The following PRND variants were observed in gnomAD, a reference collection of about 807,000 sequenced individuals.
PRND encodes prion-like protein doppel.
For missense variants in PRND, 227 were observed against 223.3 expected (o/e 1.02, Z -0.11); for synonymous variants, 94 against 93.2 (o/e 1.01, Z -0.05).
chr20:4,722,175 G>T (rs570469683), intron 1 of PRND, among the ~76,000 whole-genome samples: 2 of 152,074 alleles, frequency 1.3e-5, no homozygotes, highest in Non-Finnish European at 2.9e-5. Context: ...TAGGGTTTGT[G>T]GGTTGGGATT....
In PRND at chr20:4,725,708, A is replaced by C. The variant is rs1400279951; in HGVS notation, c.*626A>C. 1 of 167,478 alleles carries C rather than the reference A, an allele frequency of 6.0e-6. No homozygotes were observed. The highest frequency in any genetic ancestry group is 1.5e-5 in the Non-Finnish European group (1 of 68,458). 10.4% of individuals were successfully genotyped at this position (167,478 alleles called of 1,614,324 possible). A position where few individuals can be genotyped will look rare whatever the true frequency, so the allele number is the denominator to read the frequency against. ...GGAGGCTATTTTAATCCTTCTAACT[A>C]AACTAAAATAGATTAAAGGAATTAA... is the stretch of plus-strand genomic sequence containing the variant. On this transcript the variant is annotated 3_prime_UTR_variant, in exon 2 of 2. Coordinates refer to ENST00000305817, the MANE Select transcript of PRND (RefSeq NM_012409.4).
chr20:4,725,247 GTT>G lies in PRND; in HGVS notation c.*166_*167del. 1 of 830,840 alleles carries G rather than the reference GTT, an allele frequency of 1.2e-6. No homozygotes were observed. The highest frequency in any genetic ancestry group is 2.7e-5 in the East Asian group (1 of 37,270). 51.5% of individuals were successfully genotyped at this position (830,840 alleles called of 1,614,324 possible). ...CGTATGCGCCCTGGTATGTGCCTGC[GTT>G]CTGATAGATGGGGGACTGTGGCTTC... On this transcript the variant is annotated 3_prime_UTR_variant, in exon 2 of 2. Transcript: ENST00000305817.
chr20:4,725,316 A>G lies in PRND; in HGVS notation c.*234A>G, dbSNP rs942117355. 3 of 564,198 alleles carry G rather than the reference A, an allele frequency of 5.3e-6. No individual in the cohort carries two copies. Among genetic ancestry groups the G allele is most frequent in the East Asian group, 3.0e-5 (1 of 33,474 alleles). The allele number at this position is 564,198 out of a possible 1,614,324, so 34.9% of individuals were successfully genotyped here. ...CAGCCCCTAGCAGAGCGTCTGGCAC[A>G]CTAGATTAGTAGTAAATGCTTGATG... On this transcript the variant is annotated 3_prime_UTR_variant, in exon 2 of 2. Coordinates refer to ENST00000305817, the MANE Select transcript of PRND (RefSeq NM_012409.4).
rs1380087203 is a variant in PRND, at chr20:4,725,737, A to G, written c.*655A>G. The G allele has an allele frequency of 6.0e-6, 1 of 167,388 alleles. No homozygotes were observed. The highest frequency in any genetic ancestry group is 1.9e-4 in the East Asian group (1 of 5,200). 10.4% of individuals were successfully genotyped at this position (167,388 alleles called of 1,614,324 possible). ...TAAAATAGATTAAAGGAATTAAACT[A>G]AAATACAAGTAAAGCTAGACAAAGG... On this transcript the variant is annotated 3_prime_UTR_variant, in exon 2 of 2. Transcript: ENST00000305817.
At position 4,724,921 on chromosome 20, in the gene PRND, G is replaced by A; in HGVS notation, c.370G>A (p.Asp124Asn). 6.2e-7 allele frequency: 1 copy of A among 1,614,206 alleles called. No homozygotes were observed. The highest frequency in any genetic ancestry group is 2.2e-5 in the East Asian group (1 of 44,878). The change falls in exon 2 of 2, where the codon GAC becomes AAC. Residue 124 changes from aspartate (D) to asparagine (N), a missense_variant. Physicochemically the swap from Asp to Asn is conservative, Grantham distance 23. Coordinates refer to ENST00000305817, the MANE Select transcript of PRND (RefSeq NM_012409.4). The surrounding 1 kb of genome is among the most constrained non-coding windows in gnomAD (Gnocchi z 4.8). Reference sequence around the variant, plus strand: ...GAACCAGGGGGAGTTCCAGAAGCCAGACAACAAGCTCCACCAGCAGGTGCT... The same window carrying A: ...GAACCAGGGGGAGTTCCAGAAGCCAAACAACAAGCTCCACCAGCAGGTGCT... ...AANQGEFQKPDNKLHQQVLWR... is the reference protein window; with the variant it reads ...AANQGEFQKPNNKLHQQVLWR...
At position 4,724,525 on chromosome 20, in the gene PRND, G is replaced by A. The variant is rs187662451; in HGVS notation, c.-11-16G>A. 1.3e-3 allele frequency: 2,154 copies of A among 1,613,604 alleles called. 27 individuals are homozygous for A. The African/African-American group carries it at 0.025, about 19-fold the overall frequency. On this transcript the variant is annotated splice_polypyrimidine_tract_variant and intron_variant, in intron 1 of 1. Transcript: ENST00000305817. This position sits in a 1 kb window ranked among gnomAD's most constrained non-coding sequence, Gnocchi z 4.8. ...AGGCCTGGTGGGGAGCTGACCCACC[G>A]CCGTTTCTCTGGCAGGTTCTGACGC...
Position 4,725,034 on chromosome 20 carries a change from G to T in PRND, c.483G>T (p.Gln161His), listed in dbSNP as rs1344454738. ...RGAGLRVTMH[Q>H]PVLLCLLALI... ...CAGGACTTCGGGTCACCATGCACCAGCCAGTGCTCCTCTGCCTTCTGGCTT... is the reference window on the plus strand; with the variant it reads ...CAGGACTTCGGGTCACCATGCACCATCCAGTGCTCCTCTGCCTTCTGGCTT... Residue 161 changes from glutamine to histidine, a missense_variant, in exon 2 of 2, where the codon CAG (glutamine) becomes CAT (histidine). Coordinates refer to ENST00000305817, the MANE Select transcript of PRND (RefSeq NM_012409.4). The T allele has an allele frequency of 1.9e-6, 3 of 1,613,446 alleles. No individual in the cohort carries two copies. In the Admixed American group the frequency reaches 5.0e-5, roughly 27 times the overall value.
At chr20:4,722,977 G>C (rs561803171) in intron 1 of PRND, among the ~76,000 whole-genome samples, 2 of 152,304 alleles carry the variant, frequency 1.3e-5, no homozygotes, top group South Asian at 4.1e-4. Context: ...GATGTCCCAG[G>C]GCCACCTTGA....
At position 4,725,062 on chromosome 20, in the gene PRND, A is replaced by G; in HGVS notation, c.511A>G (p.Ile171Val). 1 of 1,613,252 alleles carries G rather than the reference A, an allele frequency of 6.2e-7. No homozygotes were observed. Among genetic ancestry groups the G allele is most frequent in the Non-Finnish European group, 8.5e-7 (1 of 1,179,888 alleles). ...QPVLLCLLALIWLTVK is the reference protein window; with the variant it reads ...QPVLLCLLALVWLTVK ...AGTGCTCCTCTGCCTTCTGGCTTTG[A>G]TCTGGCTCACGGTGAAATAAGCTTG... The change falls in exon 2 of 2, where the codon ATC becomes GTC. Residue 171 changes from isoleucine (I) to valine (V), a missense_variant. By Grantham distance (29) the Ile-to-Val change is conservative. Coordinates refer to ENST00000305817, the MANE Select transcript of PRND (RefSeq NM_012409.4).
rs1337262352 is a variant in PRND at position 4,724,044 on chromosome 20, GTATATA to G, written c.-11-495_-11-490del. ...TATATACATATATGTGTGTATATAT[GTATATA>G]TGTGTGTGTATATACGTGTATATAT... is the stretch of plus-strand genomic sequence containing the variant. On this transcript the variant is annotated intron_variant, in intron 1 of 1. Coordinates refer to ENST00000305817, the MANE Select transcript of PRND (RefSeq NM_012409.4). The surrounding 1 kb of genome is among the most constrained non-coding windows in gnomAD (Gnocchi z 4.8). Among the ~76,000 whole-genome samples the G allele has an allele frequency of 8.0e-5, 8 of 99,864 alleles. No individual in the cohort carries two copies. The highest frequency in any genetic ancestry group is 7.8e-4 in the South Asian group (2 of 2,556). The allele number at this position is 99,864 out of a possible 152,430, so 65.5% of individuals were successfully genotyped here. A position where few individuals can be genotyped will look rare whatever the true frequency, so the allele number is the denominator to read the frequency against.
In PRND at chr20:4,726,600, C is replaced by T. The variant is rs191833035; in HGVS notation, c.*1518C>T. ...GAATGCTCTAAGAGGCTCCTACAGGCGCTCCAGGCCACTCTCAGAGACTCC... is the reference window on the plus strand; with the variant it reads ...GAATGCTCTAAGAGGCTCCTACAGGTGCTCCAGGCCACTCTCAGAGACTCC... On this transcript the variant is annotated 3_prime_UTR_variant, in exon 2 of 2. Transcript: ENST00000305817. 5.5e-4 allele frequency: 92 copies of T among 167,184 alleles called. No individual in the cohort carries two copies. The highest frequency in any genetic ancestry group is 6.5e-4 in the Non-Finnish European group (44 of 68,102). 10.4% of individuals were successfully genotyped at this position (167,184 alleles called of 1,614,324 possible).
intron 1 of PRND, among the ~76,000 whole-genome samples, chr20:4,723,392 A>C (rs893743342): frequency 2.6e-5 from 4 of 152,244 alleles, no homozygotes; most frequent in African/African-American, 9.6e-5. Flanking sequence ...TGCAATAAAA[A>C]GCCAGTAGGA....
intron 1 of PRND, among the ~76,000 whole-genome samples, chr20:4,722,639 A>T (rs920947370): frequency 2.0e-5 from 3 of 151,976 alleles, no homozygotes; most frequent in African/African-American, 7.3e-5. Flanking sequence ...TCAGAGGAAC[A>T]TTAGCCACTT....
At chr20:4,723,703 C>A (rs1416912032) in intron 1 of PRND, among the ~76,000 whole-genome samples, 1 of 152,130 alleles carries the variant, frequency 6.6e-6, no homozygotes, top group Non-Finnish European at 1.5e-5. Flanking sequence ...AATCTCAGCA[C>A]TTTGGGAGGC....
At position 4,726,091 on chromosome 20, in the gene PRND, C is replaced by T. The variant is rs1253236610; in HGVS notation, c.*1009C>T. On this transcript the variant is annotated 3_prime_UTR_variant, in exon 2 of 2. Coordinates refer to ENST00000305817, the MANE Select transcript of PRND (RefSeq NM_012409.4). ...GCCAGGCTGGTCTTGAACTCCTGAC[C>T]TCAGGTGATCCACCCACCTGGGCCT... The T allele has an allele frequency of 6.6e-6, 1 of 151,110 alleles. No homozygotes were observed. Among genetic ancestry groups the T allele is most frequent in the African/African-American group, 2.5e-5 (1 of 40,136 alleles). 9.4% of individuals were successfully genotyped at this position (151,110 alleles called of 1,614,324 possible).
At position 4,724,427 on chromosome 20, in the gene PRND, A is replaced by G. The variant is rs555408621; in HGVS notation, c.-11-114A>G. 2.2e-6 allele frequency: 3 copies of G among 1,342,714 alleles called. No homozygotes were observed. The highest frequency in any genetic ancestry group is 3.2e-6 in the Non-Finnish European group (3 of 945,474). The allele number at this position is 1,342,714 out of a possible 1,614,324, so 83.2% of individuals were successfully genotyped here. On this transcript the variant is annotated intron_variant, in intron 1 of 1. Coordinates refer to ENST00000305817, the MANE Select transcript of PRND (RefSeq NM_012409.4). This position sits in a 1 kb window ranked among gnomAD's most constrained non-coding sequence, Gnocchi z 4.8. ...GGGAAACAATTATGCTTTTGAGACC[A>G]CATAAATAGCACAAGGATGCGATTC...
At position 4,726,382 on chromosome 20, in the gene PRND, C is replaced by A. The variant is rs1207658304; in HGVS notation, c.*1300C>A. ...TAATGAAGGCCATCATCTCTGTAAA[C>A]CACTTGTCACTACAAAAATACAATT... On this transcript the variant is annotated 3_prime_UTR_variant, in exon 2 of 2. Coordinates refer to ENST00000305817, the MANE Select transcript of PRND (RefSeq NM_012409.4). The A allele has an allele frequency of 1.2e-5, 2 of 166,890 alleles. No individual in the cohort carries two copies. The highest frequency in any genetic ancestry group is 1.9e-4 in the East Asian group (1 of 5,192). The allele number at this position is 166,890 out of a possible 1,614,324, so 10.3% of individuals were successfully genotyped here.
chr20:4,725,441 C>T lies in PRND; in HGVS notation c.*359C>T, dbSNP rs1923235433. 8.1e-6 allele frequency: 2 copies of T among 247,562 alleles called. No individual in the cohort carries two copies. The highest frequency in any genetic ancestry group is 1.7e-5 in the Non-Finnish European group (2 of 115,732). The allele number at this position is 247,562 out of a possible 1,614,324, so 15.3% of individuals were successfully genotyped here. A position where few individuals can be genotyped will look rare whatever the true frequency, so the allele number is the denominator to read the frequency against. ...GTTTTACAGATAAGGAAACTGAGGCCCAGAGAGCTGAAGTACTGCACCCAG... is the reference window on the plus strand; with the variant it reads ...GTTTTACAGATAAGGAAACTGAGGCTCAGAGAGCTGAAGTACTGCACCCAG... On this transcript the variant is annotated 3_prime_UTR_variant, in exon 2 of 2. Transcript: ENST00000305817.
rs1358334164 is a variant in PRND at position 4,726,764 on chromosome 20, G to A, written c.*1682G>A. ...ATTGCAGAACATGAGTGCTGATGAG[G>A]GCACCTCTTGTGCTGAGTCCCCTCA... On this transcript the variant is annotated 3_prime_UTR_variant, in exon 2 of 2. Coordinates refer to ENST00000305817, the MANE Select transcript of PRND (RefSeq NM_012409.4). 1 of 167,106 alleles carries A rather than the reference G, an allele frequency of 6.0e-6. No homozygotes were observed. Among genetic ancestry groups the A allele is most frequent in the Non-Finnish European group, 1.5e-5 (1 of 68,138 alleles). The allele number at this position is 167,106 out of a possible 1,614,324, so 10.4% of individuals were successfully genotyped here.
Sources: gnomAD v4.1 joint callset for allele counts (sites outside exome capture counted in the v4.1 genomes callset) on GRCh38, gnomAD v4.1.1 for gene constraint, Gnocchi (gnomAD v3.1) non-coding constraint, MANE v1.5 for transcripts, NCBI Gene and HGNC (gene_info 2026-07-23, HGNC 2026-07-21) for gene names.